TMEM232: variants seen among roughly 807,000 people sequenced by gnomAD.
TMEM232 encodes transmembrane protein 232.
Under a neutral mutation model 78.8 loss-of-function variants are expected in TMEM232, and 80 were observed. The ratio of observed to expected loss-of-function variants is 1.01; its 90% CI spans 0.85 to 1.22. The LOEUF (loss-of-function observed/expected upper bound fraction) is 1.22, where lower values mean the gene tolerates loss of function less well. Among genes scored for constraint, TMEM232 ranks in the 50% most tolerant of loss-of-function variants. The pLI is 0.00. For missense variants in TMEM232, 881 were observed against 742.2 expected (o/e 1.19, Z -2.17); for synonymous variants, 297 against 254.3 (o/e 1.17, Z -1.60).
intron 3 of TMEM232, among the ~76,000 whole-genome samples, chr5:110,392,842 C>T (rs1008557608): frequency 1.3e-5 from 2 of 152,120 alleles, no homozygotes; most frequent in African/African-American, 2.4e-5. Context: ...CCTTGGTCAG[C>T]ATAACACTCT....
chr5:110,491,132 G>A (rs1765043650), intron 12 of TMEM232, among the ~76,000 whole-genome samples: 1 of 148,436 alleles, frequency 6.7e-6, no homozygotes, highest in Admixed American at 6.6e-5. Flanking sequence ...AGTGATAACA[G>A]ACAACTAACC....
At chr5:110,506,612 AATTCTC>A (rs1165756336) in intron 12 of TMEM232, among the ~76,000 whole-genome samples, 1 of 152,144 alleles carries the variant, frequency 6.6e-6, no homozygotes, top group African/African-American at 2.4e-5. Flanking sequence ...CCTCTTTTCC[AATTCTC>A]ATTCATGCTG....
chr5:110,438,714 C>T (rs1487399085), intron 12 of TMEM232, among the ~76,000 whole-genome samples: 4 of 152,000 alleles, frequency 2.6e-5, no homozygotes, highest in Non-Finnish European at 5.9e-5. Flanking sequence ...CTGAATATGT[C>T]GTCAGTTCCT....
intron 1 of TMEM232, among the ~76,000 whole-genome samples, chr5:110,725,379 A>G (rs79939153): frequency 2.6e-5 from 4 of 152,358 alleles, no homozygotes; most frequent in Non-Finnish European, 5.9e-5. Context: ...TACATACAGG[A>G]CACATTTTGG....
rs1181496838 is a variant in TMEM232, at chr5:110,424,903, C to G, written c.1717G>C (p.Val573Leu). ...LHFTVREHPS[V>L]SEIPMFPYPD... ...TATGGAAACATGGGAATTTCTGATA[C>G]AGAAGGATGTTCCCTTCAAAAGAGC... The change falls in exon 13 of 14, where the codon GTA becomes CTA. Residue 573 changes from valine (V) to leucine (L), a missense_variant. Transcript: ENST00000455884. 1.8e-5 allele frequency: 28 copies of G among 1,549,808 alleles called. 1 individual carries two copies. The highest frequency in any genetic ancestry group is 7.9e-5 in the Admixed American group (4 of 50,844).
intron 12 of TMEM232, among the ~76,000 whole-genome samples, chr5:110,511,260 C>T (rs951318983): frequency 1.3e-5 from 2 of 151,840 alleles, no homozygotes; most frequent in Non-Finnish European, 1.5e-5. Context: ...TACATGGGCA[C>T]AGGGAGGGGA....
intron 10 of TMEM232, among the ~76,000 whole-genome samples, chr5:110,582,814 T>A (rs1486775540): frequency 6.6e-6 from 1 of 151,964 alleles, no homozygotes; most frequent in Non-Finnish European, 1.5e-5. Flanking sequence ...ACTAATTTAG[T>A]AAACTTGAAT....
intron 12 of TMEM232, among the ~76,000 whole-genome samples, chr5:110,473,666 T>A (rs1762923486): frequency 6.6e-6 from 1 of 151,200 alleles, no homozygotes; most frequent in African/African-American, 2.4e-5. Context: ...AATCATTATG[T>A]CAAATAGATA....
chr5:110,687,052 C>T (rs1005044478), intron 1 of TMEM232, among the ~76,000 whole-genome samples: 3 of 152,084 alleles, frequency 2.0e-5, no homozygotes, highest in African/African-American at 7.2e-5. Flanking sequence ...GATCAGGATG[C>T]CATTATCTCT....
intron 1 of TMEM232, among the ~76,000 whole-genome samples, chr5:110,737,387 C>A (rs1054213857): frequency 5.9e-5 from 9 of 152,010 alleles, no homozygotes; most frequent in Non-Finnish European, 1.3e-4. Flanking sequence ...ATGTAAAAAA[C>A]CCCTATATTT....
chr5:110,664,510 G>C (rs1790286097), intron 2 of TMEM232, among the ~76,000 whole-genome samples: 1 of 152,184 alleles, frequency 6.6e-6, no homozygotes, highest in African/African-American at 2.4e-5. Flanking sequence ...AGCTGAAACT[G>C]TATCTCTTGA....
At chr5:110,387,934 A>G (rs1755045482) in exon 5 of TMEM232, 1 of 152,538 alleles carries the variant, frequency 6.6e-6, no homozygotes, top group South Asian at 2.1e-4. Context: ...GGGCTTTAAC[A>G]TCTGTTTCCT....
chr5:110,599,644 C>T (rs1055280613), intron 10 of TMEM232, among the ~76,000 whole-genome samples: 9 of 152,188 alleles, frequency 5.9e-5, no homozygotes, highest in African/African-American at 1.4e-4. Flanking sequence ...ACCCAATATA[C>T]AGGAGCCCTC....
In TMEM232 at chr5:110,419,765, T is replaced by C. The variant is rs1291420379; in HGVS notation, c.*815A>G. On this transcript the variant is annotated 3_prime_UTR_variant, in exon 14 of 14. Coordinates refer to ENST00000455884, the MANE Select transcript of TMEM232 (RefSeq NM_001039763.4). Reference sequence around the variant, plus strand: ...GTGTGAAATCGAGGTATGAGTATTATCTATATTTTTCAGTTTTCAGGAAAG... The same window carrying C: ...GTGTGAAATCGAGGTATGAGTATTACCTATATTTTTCAGTTTTCAGGAAAG... Among the ~76,000 whole-genome samples, 1 of 152,122 alleles carries C rather than the reference T, an allele frequency of 6.6e-6. No individual in the cohort carries two copies. Among genetic ancestry groups the C allele is most frequent in the Non-Finnish European group, 1.5e-5 (1 of 67,978 alleles).
rs552665144 is a variant in TMEM232 at position 110,387,751 on chromosome 5, C to CTGTG, written n.914_917dup. 20 of 152,276 alleles carry CTGTG rather than the reference C, an allele frequency of 1.3e-4. No individual in the cohort carries two copies. In the South Asian group the frequency reaches 2.3e-3, roughly 17 times the overall value. The allele number at this position is 152,276 out of a possible 1,614,324, so 9.4% of individuals were successfully genotyped here. ...TTTTTAAAAAAAATTGTACAGCATA[C>CTGTG]TGTGGTCCTTTGAAGATTCTCATTG... is the stretch of plus-strand genomic sequence containing the variant. On this transcript the variant is annotated splice_region_variant and non_coding_transcript_variant. Coordinates refer to the TMEM232 transcript ENST00000507188.
rs151316079 is a variant in TMEM232 at position 110,467,392 on chromosome 5, A to G, written c.1704-42476T>C. Among the ~76,000 whole-genome samples the G allele has an allele frequency of 6.5e-3, 996 of 152,326 alleles. 16 individuals are homozygous for G. The highest frequency in any genetic ancestry group is 0.022 in the African/African-American group (927 of 41,574). The stretch of plus-strand genomic sequence containing the variant: ...ATGGTGGTGTTCTAAGGCTGATGAG[A>G]TAAAACTGAATAACGGATGAGTTTC... On this transcript the variant is annotated intron_variant, in intron 12 of 13. Transcript: ENST00000455884.
At chr5:110,422,880 G>A (rs765689633) in intron 13 of TMEM232, among the ~76,000 whole-genome samples, 3 of 152,182 alleles carry the variant, frequency 2.0e-5, no homozygotes, top group Non-Finnish European at 4.4e-5. Flanking sequence ...GTCTATTGTG[G>A]TAGCTAGAAG....
At chr5:110,469,987 C>T (rs1178976426) in intron 12 of TMEM232, among the ~76,000 whole-genome samples, 2 of 152,098 alleles carry the variant, frequency 1.3e-5, no homozygotes, top group African/African-American at 4.8e-5. Flanking sequence ...CCCCCCGGAA[C>T]CCCAGCAACA....
At chr5:110,602,821 C>A (rs1314489198) in intron 10 of TMEM232, among the ~76,000 whole-genome samples, 1 of 152,134 alleles carries the variant, frequency 6.6e-6, no homozygotes, top group East Asian at 1.9e-4. Flanking sequence ...ATAAATCATT[C>A]TACTATAAAC....
Sources: allele counts gnomAD v4.1 joint callset (sites outside exome capture counted in the v4.1 genomes callset), GRCh38; gene constraint gnomAD v4.1.1; transcripts MANE v1.5; gene names NCBI Gene and HGNC (gene_info 2026-07-23, HGNC 2026-07-21).